Variants in BIRC6 observed in about 807,000 individuals in gnomAD.
BIRC6 encodes the protein baculoviral IAP repeat containing 6.
BIRC6 carries 98 observed loss-of-function variants against 503.3 expected under a neutral mutation model. That is an observed-to-expected ratio of 0.19 (90% CI 0.17 to 0.23). BIRC6 has a LOEUF of 0.23. BIRC6 is among the 10% of genes least tolerant of loss of function. The probability of loss-of-function intolerance (pLI) is 1.00; values close to 1 mark genes in which losing one functional copy is unlikely to be tolerated. For synonymous variants in BIRC6, 2,240 were observed against 2,078.7 expected (o/e 1.08, Z -2.11); for missense variants, 5,360 against 5,806.0 (o/e 0.92, Z 2.50).
At chr2:32,587,947 C>G (rs774813914) in intron 66 of BIRC6, among the ~76,000 whole-genome samples, 2 of 152,126 alleles carry the variant, frequency 1.3e-5, no homozygotes, top group Non-Finnish European at 2.9e-5. Context: ...CCAAACTAAA[C>G]TGAGACTCAT....
chr2:32,558,629 T>A (rs2058946125), intron 65 of BIRC6: 1 of 152,180 alleles, frequency 6.6e-6, no homozygotes, highest in African/African-American at 2.4e-5. Flanking sequence ...AGTTTTAAAA[T>A]AATTAAAAGA....
intron 1 of BIRC6, among the ~76,000 whole-genome samples, chr2:32,358,952 G>T (rs577119640): frequency 5.3e-5 from 8 of 152,168 alleles, no homozygotes; most frequent in Non-Finnish European, 8.8e-5. Context: ...GTAATTGGAT[G>T]TCTTTCTTTT....
rs2063339373 is a variant in BIRC6 at position 32,617,808 on chromosome 2, G to C, written c.14478G>C (p.Glu4826Asp). Residue 4826 changes from glutamate (E) to aspartate (D), a missense_variant, in exon 74 of 74, where the codon GAG (glutamate) becomes GAC (aspartate). Glu to Asp is a conservative substitution (Grantham distance 45). This residue lies in a region of BIRC6 where 140 missense variants were observed against 130.2 expected (regional missense o/e 1.07). Transcript: ENST00000421745. ...ATCCTGACACTGACGATGCCCCAGA[G>C]GTGTGCAGAGCCACAACAGGTGCTG... ...GLDPDTDDAP[E>D]VCRATTGAEE... 4 of 1,614,002 alleles carry C rather than the reference G, an allele frequency of 2.5e-6. No individual in the cohort carries two copies. Among genetic ancestry groups the C allele is most frequent in the Non-Finnish European group, 2.5e-6 (3 of 1,179,892 alleles).
chr2:32,518,982 T>G, intron 57 of BIRC6, 36 bp downstream of exon 57: 2 of 1,582,822 alleles, frequency 1.3e-6, no homozygotes, highest in Non-Finnish European at 1.7e-6. Flanking sequence ...TTGTTTAACT[T>G]TATGTTTGAT....
chr2:32,450,054 A>G (rs749078753), intron 22 of BIRC6, among the ~76,000 whole-genome samples: 1 of 152,216 alleles, frequency 6.6e-6, no homozygotes, highest in Non-Finnish European at 1.5e-5. Flanking sequence ...CAATGCCTTC[A>G]GTATACCAAA....
chr2:32,413,959 A>G (rs1490323795), intron 9 of BIRC6, among the ~76,000 whole-genome samples: 1 of 152,204 alleles, frequency 6.6e-6, no homozygotes, highest in Non-Finnish European at 1.5e-5. Context: ...TACATGTTGT[A>G]CATGTTTAGT....
chr2:32,491,539 C>G lies in BIRC6; in HGVS notation c.8321C>G (p.Thr2774Arg). Residue 2774 changes from threonine (T) to arginine (R), a missense_variant, in exon 44 of 74, where the codon ACA becomes AGA. By Grantham distance (71) the Thr-to-Arg change is moderately conservative. Around this residue, in one of 16 missense-constraint regions of BIRC6, gnomAD observed 2,299 missense variants for 2,267.2 expected, o/e 1.01. Coordinates refer to ENST00000421745, the MANE Select transcript of BIRC6 (RefSeq NM_016252.4). ...KFLSGTSPHG[T>R]NQHSPQVGPT... ...CTTTCTGGCACCAGTCCACATGGAA[C>G]AAATCAACACAGTCCACAGGTAATA... 6.2e-7 allele frequency: 1 copy of G among 1,613,428 alleles called. No individual in the cohort carries two copies. The highest frequency in any genetic ancestry group is 2.2e-5 in the East Asian group (1 of 44,846).
At chr2:32,477,648 C>CAA in intron 35 of BIRC6, 65 bp downstream of exon 35, 2 of 1,318,430 alleles carry the variant, frequency 1.5e-6, no homozygotes, top group Non-Finnish European at 2.1e-6. Context: ...CCTGTAATCC[C>CAA]AGCACTTTGG....
intron 23 of BIRC6, among the ~76,000 whole-genome samples, chr2:32,460,244 TGATA>T (rs1558785816): frequency 1.2e-5 from 1 of 83,594 alleles, no homozygotes; most frequent in African/African-American, 4.7e-5. Context: ...ATCTCGTATA[TGATA>T]TATATATATA....
intron 65 of BIRC6, chr2:32,565,281 G>A (rs1037920110): frequency 5.3e-5 from 8 of 152,204 alleles, no homozygotes; most frequent in Non-Finnish European, 8.8e-5. Flanking sequence ...TGGGTAGAAA[G>A]AGGAAGTTAG....
intron 59 of BIRC6, chr2:32,527,917 G>C (rs560510695): frequency 5.3e-5 from 8 of 152,298 alleles, no homozygotes; most frequent in African/African-American, 1.9e-4. Context: ...GAAAATGTAT[G>C]GTGGGCATAT....
intron 1 of BIRC6, among the ~76,000 whole-genome samples, chr2:32,372,058 G>T (rs1022030461): frequency 6.6e-6 from 1 of 152,208 alleles, no homozygotes; most frequent in African/African-American, 2.4e-5. Context: ...GCCCGCCTCG[G>T]CCTCTTGAAG....
intron 38 of BIRC6, 90 bp from the exon 39 acceptor site, chr2:32,482,339 G>A (rs2050501175): frequency 2.5e-6 from 3 of 1,221,928 alleles, no homozygotes; most frequent in Non-Finnish European, 1.1e-6. Context: ...TATTTATTTT[G>A]TAGTTCTGTT....
intron 57 of BIRC6, chr2:32,522,844 CT>C (rs1558965314): frequency 6.6e-6 from 1 of 152,174 alleles, no homozygotes; most frequent in Admixed American, 6.5e-5. Context: ...GTATAGATCT[CT>C]GGAGATCCAG....
At chr2:32,538,877 C>T (rs1046450502) in intron 61 of BIRC6, among the ~76,000 whole-genome samples, 1 of 152,164 alleles carries the variant, frequency 6.6e-6, no homozygotes, top group Non-Finnish European at 1.5e-5. Context: ...CCCTGCACTG[C>T]AGCCTGGGTG....
chr2:32,518,542 C>T lies in BIRC6; in HGVS notation c.11493+145C>T, dbSNP rs1032751389. 5 of 906,830 alleles carry T rather than the reference C, an allele frequency of 5.5e-6. No individual in the cohort carries two copies. The African/African-American group carries it at 8.4e-5, about 15-fold the overall frequency. 56.2% of individuals were successfully genotyped at this position (906,830 alleles called of 1,614,324 possible). A position where few individuals can be genotyped will look rare whatever the true frequency, so the allele number is the denominator to read the frequency against. The stretch of plus-strand genomic sequence containing the variant: ...CTTTATACCTAATGACAGAACTTGA[C>T]AATTTCAGGATAGCGCTCTCCCTCA... On this transcript the variant is annotated intron_variant, in intron 56 of 73. Transcript: ENST00000421745.
intron 69 of BIRC6, among the ~76,000 whole-genome samples, chr2:32,598,184 C>G (rs2151474596): frequency 8.3e-6 from 1 of 120,834 alleles, no homozygotes; most frequent in African/African-American, 3.1e-5. Flanking sequence ...AGCTGGAGTA[C>G]AGTGATGTGA....
chr2:32,468,104 C>T lies in BIRC6; in HGVS notation c.5773C>T (p.Gln1925Ter), dbSNP rs1457759540. ...AMMVALQEDIQCRYNLACHRL... is the reference protein window; with the variant it reads ...AMMVALQEDI ...GATGGTTGCTTTGCAGGAGGATATACAGTGCAGGTTAGTACAGAGTGCAAA... is the reference window on the plus strand; with the variant it reads ...GATGGTTGCTTTGCAGGAGGATATATAGTGCAGGTTAGTACAGAGTGCAAA... The change falls in exon 28 of 74, where the codon CAG becomes TAG. Residue 1925 changes from glutamine (Q) to a stop codon, truncating the protein, a stop_gained. Transcript: ENST00000421745. LOFTEE classifies it high-confidence loss of function. 1 of 1,613,660 alleles carries T rather than the reference C, an allele frequency of 6.2e-7. No homozygotes were observed. Among genetic ancestry groups the T allele is most frequent in the Non-Finnish European group, 8.5e-7 (1 of 1,179,784 alleles).
intron 66 of BIRC6, among the ~76,000 whole-genome samples, chr2:32,577,393 T>G (rs2151076488): frequency 6.6e-6 from 1 of 152,272 alleles, no homozygotes. Flanking sequence ...CCAGGTATAT[T>G]TTGTCTTTTA....
Sources: gnomAD v4.1 joint callset for allele counts (sites outside exome capture counted in the v4.1 genomes callset) on GRCh38, gnomAD v4.1.1 for gene constraint, gnomAD v4.1.1 regional missense constraint, MANE v1.5 for transcripts, NCBI Gene and HGNC (gene_info 2026-07-23, HGNC 2026-07-21) for gene names.